Variants in TMEM53 observed in about 807,000 individuals in gnomAD.
TMEM53 encodes transmembrane protein 53, also known as novel DUF829 domain-containing protein.
Under a neutral mutation model 21.4 loss-of-function variants are expected in TMEM53, and 14 were observed. The ratio of observed to expected loss-of-function variants is 0.65; its 90% CI spans 0.43 to 1.02. TMEM53 has a LOEUF of 1.02. Ranked by LOEUF, TMEM53 falls within the 50% of genes least tolerant of loss-of-function variation. TMEM53 has a pLI of 0.00. For missense variants in TMEM53, 323 were observed against 383.6 expected (o/e 0.84, Z 1.32); for synonymous variants, 148 against 157.4 (o/e 0.94, Z 0.45).
In TMEM53 at chr1:44,654,668, G is replaced by A. The variant is rs149135758; in HGVS notation, c.725C>T (p.Ala242Val). The change falls in exon 3 of 3, where the codon GCG becomes GTG. Residue 242 changes from alanine to valine, a missense_variant. Ala to Val is a moderately conservative substitution (Grantham distance 64, BLOSUM62 0). This residue lies in a region of TMEM53 where 269 missense variants were observed against 334.5 expected (regional missense o/e 0.80). Coordinates refer to ENST00000372237, the MANE Select transcript of TMEM53 (RefSeq NM_024587.4). This position sits in a 1 kb window ranked among gnomAD's most constrained non-coding sequence, Gnocchi z 7.0. ...VEARLARRVL[A>V]RSVDFVSSAH... ...AGATGACACGAAATCCACAGAACGC[G>A]CCAGGACCCGGCGTGCCAGGCGTGC... The A allele has an allele frequency of 2.6e-5, 42 of 1,613,986 alleles. No homozygotes were observed. The highest frequency in any genetic ancestry group is 6.7e-5 in the African/African-American group (5 of 74,932).
chr1:44,656,080 G>A (rs1419074191), intron 2 of TMEM53, among the ~76,000 whole-genome samples: 1 of 152,052 alleles, frequency 6.6e-6, no homozygotes, highest in Non-Finnish European at 1.5e-5. Flanking sequence ...CCTGTTCAGA[G>A]ACAAAGGGCC....
chr1:44,668,418 G>A (rs1455127982), intron 1 of TMEM53, among the ~76,000 whole-genome samples: 1 of 152,022 alleles, frequency 6.6e-6, no homozygotes, highest in Non-Finnish European at 1.5e-5. Context: ...ACGATATTCT[G>A]TCTTAAAAAT....
chr1:44,670,696 T>C (rs1644992366), intron 1 of TMEM53, among the ~76,000 whole-genome samples: 1 of 152,160 alleles, frequency 6.6e-6, no homozygotes, highest in Non-Finnish European at 1.5e-5. Flanking sequence ...AGGCATGCGG[T>C]AAAACCTGGG....
At chr1:44,660,115 T>C (rs1644886696) in intron 2 of TMEM53, 59 bp downstream of exon 2, 1 of 1,571,904 alleles carries the variant, frequency 6.4e-7, no homozygotes, top group Non-Finnish European at 8.7e-7. Flanking sequence ...TTCCCAGTCC[T>C]GCCTCAAAGG....
intron 2 of TMEM53, among the ~76,000 whole-genome samples, chr1:44,658,060 C>T (rs1464748107): frequency 1.3e-5 from 2 of 152,090 alleles, no homozygotes; most frequent in Non-Finnish European, 2.9e-5. Flanking sequence ...CCCTGTACAA[C>T]GGCCCATTTC....
At chr1:44,672,072 G>A (rs1645006732) in intron 1 of TMEM53, among the ~76,000 whole-genome samples, 1 of 152,286 alleles carries the variant, frequency 6.6e-6, no homozygotes, top group African/African-American at 2.4e-5. Flanking sequence ...TGTTGGCCTG[G>A]AGGGAAGCTC....
In TMEM53 at chr1:44,674,473, G is replaced by A. The variant is rs1645066687; in HGVS notation, c.-82C>T. The A allele has an allele frequency of 4.2e-6, 6 of 1,434,554 alleles. No individual in the cohort carries two copies. The highest frequency in any genetic ancestry group is 5.7e-6 in the Non-Finnish European group (6 of 1,059,498). The allele number at this position is 1,434,554 out of a possible 1,614,324, so 88.9% of individuals were successfully genotyped here. ...CGTGCCTCACCCGGGCGCCTCCTGG[G>A]CGCCGCCCAATCACCACACACCTCC... On this transcript the variant is annotated 5_prime_UTR_variant, in exon 1 of 3. Coordinates refer to ENST00000372237, the MANE Select transcript of TMEM53 (RefSeq NM_024587.4).
chr1:44,668,771 G>C (rs1644971135), intron 1 of TMEM53, among the ~76,000 whole-genome samples: 1 of 152,172 alleles, frequency 6.6e-6, no homozygotes. Context: ...TCAAATTCTT[G>C]GGCTCAAGCA....
Position 44,655,092 on chromosome 1 carries a change from C to G in TMEM53, c.301G>C (p.Glu101Gln), listed in dbSNP as rs766242872. 5 of 1,614,124 alleles carry G rather than the reference C, an allele frequency of 3.1e-6. No individual in the cohort carries two copies. The East Asian group carries it at 1.1e-4, about 36-fold the overall frequency. The change falls in exon 3 of 3, where the codon GAG becomes CAG. Residue 101 changes from glutamate to glutamine, a missense_variant. Transcript: ENST00000372237. The surrounding 1 kb of genome is among the most constrained non-coding windows in gnomAD (Gnocchi z 4.4). ...AAGAGCAGGGGCTCCTTCTCAATCT[C>G]ATAATCAAAGAGCAGCTCGAGCAGC... ...QKLLELLFDYEIEKEPLLFHV... is the reference protein window; with the variant it reads ...QKLLELLFDYQIEKEPLLFHV...
At chr1:44,656,841 G>A (rs1455959992) in intron 2 of TMEM53, among the ~76,000 whole-genome samples, 3 of 151,984 alleles carry the variant, frequency 2.0e-5, no homozygotes, top group African/African-American at 4.8e-5. Context: ...ATGAAACCCC[G>A]TCTCTACTAA....
rs200059541 is a variant in TMEM53, at chr1:44,665,302, C to T, written c.62-5007G>A. 6.6e-5 allele frequency among the ~76,000 whole-genome samples: 10 copies of T among 152,254 alleles called. No homozygotes were observed. In the East Asian group the frequency reaches 1.9e-3, roughly 29 times the overall value. ...AGGGGTAGAAATGACAGGAAGAAAA[C>T]GGTCACAAGAATTCTGGAACATGTA... On this transcript the variant is annotated intron_variant, in intron 1 of 2. Transcript: ENST00000372237.
chr1:44,655,312 A>G lies in TMEM53; in HGVS notation c.184-103T>C. ...AACCCCAGCCTGTAGGACATAGGCC[A>G]TGGGGCCCACAGCGTCAGCAATGCT... is the stretch of plus-strand genomic sequence containing the variant. On this transcript the variant is annotated intron_variant, in intron 2 of 2. Transcript: ENST00000372237. This position sits in a 1 kb window ranked among gnomAD's most constrained non-coding sequence, Gnocchi z 4.4. 1 of 1,179,706 alleles carries G rather than the reference A, an allele frequency of 8.5e-7. No individual in the cohort carries two copies. The highest frequency in any genetic ancestry group is 1.5e-5 in the African/African-American group (1 of 64,992). 73.1% of individuals were successfully genotyped at this position (1,179,706 alleles called of 1,614,324 possible).
At position 44,654,649 on chromosome 1, in the gene TMEM53, C is replaced by T. The variant is rs748100335; in HGVS notation, c.744G>A (p.Val248=). Residue 248 remains valine, a synonymous_variant, in exon 3 of 3, where the codon GTG becomes GTA. Coordinates refer to ENST00000372237, the MANE Select transcript of TMEM53 (RefSeq NM_024587.4). The surrounding 1 kb of genome is among the most constrained non-coding windows in gnomAD (Gnocchi z 7.0). ...RRVLARSVDF[V]SSAHVSHLRD... ...GGAGGTGGCTGACGTGTGCAGATGA[C>T]ACGAAATCCACAGAACGCGCCAGGA... 3.1e-6 allele frequency: 5 copies of T among 1,614,106 alleles called. No homozygotes were observed.
rs747056393 is a variant in TMEM53, at chr1:44,654,550, G to T, written c.*9C>A. On this transcript the variant is annotated 3_prime_UTR_variant, in exon 3 of 3. Coordinates refer to ENST00000372237, the MANE Select transcript of TMEM53 (RefSeq NM_024587.4). The surrounding 1 kb of genome is among the most constrained non-coding windows in gnomAD (Gnocchi z 7.0). ...ATTTCTGGAGCAGAGGTGAGATGGA[G>T]CAATGGCCTCAGCAGCGGACGCAGT... The T allele has an allele frequency of 1.3e-6, 2 of 1,597,834 alleles. No individual in the cohort carries two copies. The highest frequency in any genetic ancestry group is 2.7e-5 in the African/African-American group (2 of 74,742).
chr1:44,674,455 C>T lies in TMEM53; in HGVS notation c.-64G>A. ...AACTCCCGCTTGCGCACCCGTGCCT[C>T]ACCCGGGCGCCTCCTGGGCGCCGCC... On this transcript the variant is annotated 5_prime_UTR_variant, in exon 1 of 3. Transcript: ENST00000372237. The T allele has an allele frequency of 6.5e-7, 1 of 1,533,092 alleles. No individual in the cohort carries two copies. Among genetic ancestry groups the T allele is most frequent in the Non-Finnish European group, 8.8e-7 (1 of 1,133,438 alleles). The allele number at this position is 1,533,092 out of a possible 1,614,324, so 95.0% of individuals were successfully genotyped here.
intron 1 of TMEM53, among the ~76,000 whole-genome samples, chr1:44,662,152 AT>A (rs1425559348): frequency 2.0e-5 from 3 of 152,246 alleles, no homozygotes; most frequent in Non-Finnish European, 2.9e-5. Context: ...TCCTGTGGAA[AT>A]TAATGTGATT....
chr1:44,673,786 A>G, intron 1 of TMEM53: 1 of 927,298 alleles, frequency 1.1e-6, no homozygotes, highest in Non-Finnish European at 1.3e-6. Context: ...TCCAGCTCCT[A>G]AAGGAAGGAG....
chr1:44,660,759 C>T (rs1021409495), intron 1 of TMEM53, among the ~76,000 whole-genome samples: 3 of 150,746 alleles, frequency 2.0e-5, no homozygotes, highest in Non-Finnish European at 4.4e-5. Flanking sequence ...CCGAGGCGGA[C>T]GGATCGTGAG....
chr1:44,662,268 G>A (rs1175025366), intron 1 of TMEM53, among the ~76,000 whole-genome samples: 2 of 152,224 alleles, frequency 1.3e-5, no homozygotes, highest in East Asian at 3.9e-4. Flanking sequence ...TCAGCCTGGA[G>A]CAGAAGCTGC....
Sources: allele counts gnomAD v4.1 joint callset (sites outside exome capture counted in the v4.1 genomes callset), GRCh38; gene constraint gnomAD v4.1.1; regional missense constraint gnomAD v4.1.1; non-coding constraint Gnocchi (gnomAD v3.1); transcripts MANE v1.5; gene names NCBI Gene and HGNC (gene_info 2026-07-23, HGNC 2026-07-21).